The following ANTXRL variants were observed in gnomAD, a reference collection of about 807,000 sequenced individuals.
The protein encoded by ANTXRL is anthrax toxin receptor-like.
In ANTXRL, 63 loss-of-function variants were observed where a neutral mutation model predicts 75.4. That is an observed-to-expected ratio of 0.84 (90% CI 0.68 to 1.03). The LOEUF (loss-of-function observed/expected upper bound fraction) is 1.03, where lower values mean the gene tolerates loss of function less well. Among genes scored for constraint, ANTXRL ranks in the 50% least tolerant of loss-of-function variants. ANTXRL has a pLI of 0.00. For missense variants in ANTXRL, 797 were observed against 789.4 expected, an observed-to-expected ratio of 1.01 and a Z score of -0.12; for synonymous variants, 335 against 291.3, an observed-to-expected ratio of 1.15 and a Z score of -1.53.
At chr10:46,326,547 A>G (rs139327389) in intron 16 of ANTXRL, among the ~76,000 whole-genome samples, 1 of 152,078 alleles carries the variant, frequency 6.6e-6, no homozygotes, top group Admixed American at 6.5e-5. Context: ...AGAGGAAAAA[A>G]GGTTGGGGGC....
Position 46,297,304 on chromosome 10 carries a change from T to G in ANTXRL, c.561T>G (p.His187Gln). 3.3e-6 allele frequency: 5 copies of G among 1,536,536 alleles called. No homozygotes were observed. Among genetic ancestry groups the G allele is most frequent in the Non-Finnish European group, 2.6e-6 (3 of 1,146,866 alleles). Residue 187 changes from histidine to glutamine, a missense_variant, in exon 6 of 17, where the codon CAT (histidine) becomes CAG (glutamine). By Grantham distance (24) the His-to-Gln change is conservative. Coordinates refer to ENST00000620264, the MANE Select transcript of ANTXRL (RefSeq NM_001278688.3). Reference protein sequence around the residue: ...IAMTDGELVAHAFQDTLREAQ... With the variant: ...IAMTDGELVAQAFQDTLREAQ... ...TGACTGATGGAGAACTGGTGGCACATGCATTTCAGGACACTCTCAGAGAAG... is the reference window on the plus strand; with the variant it reads ...TGACTGATGGAGAACTGGTGGCACAGGCATTTCAGGACACTCTCAGAGAAG...
At position 46,311,568 on chromosome 10, in the gene ANTXRL, C is replaced by T. The variant is rs781953456; in HGVS notation, c.1232C>T (p.Pro411Leu). The change falls in exon 15 of 17, where the codon CCA (proline) becomes CTA (leucine). Residue 411 changes from proline to leucine, a missense_variant. Coordinates refer to ENST00000620264, the MANE Select transcript of ANTXRL (RefSeq NM_001278688.3). ...CCACCGCCTCCGCCTCCACCACCTC[C>T]ACTCCCGCCTCCGCCCCCAGCTCCT... ...PPPPPPPPPP[P>L]LPPPPPAPVN... 3.9e-6 allele frequency: 6 copies of T among 1,523,582 alleles called. No homozygotes were observed. The South Asian group carries it at 7.2e-5, about 18-fold the overall frequency. The allele number at this position is 1,523,582 out of a possible 1,614,324, so 94.4% of individuals were successfully genotyped here. A position where few individuals can be genotyped will look rare whatever the true frequency, so the allele number is the denominator to read the frequency against.
chr10:46,314,256 A>G (rs12412804), intron 16 of ANTXRL, among the ~76,000 whole-genome samples: 42,443 of 151,726 alleles, frequency 0.28, 5,913 homozygotes, highest in Admixed American at 0.3. Context: ...CTGGTGTCAG[A>G]GGCATGCAGG....
intron 5 of ANTXRL, among the ~76,000 whole-genome samples, chr10:46,296,697 G>T (rs1374465309): frequency 6.6e-6 from 1 of 152,182 alleles, no homozygotes; most frequent in Admixed American, 6.5e-5. Context: ...GCTCTTGTCA[G>T]GAAAAGGCAG....
At position 46,311,576 on chromosome 10, in the gene ANTXRL, C is replaced by A; in HGVS notation, c.1240C>A (p.Pro414Thr). Residue 414 changes from proline (P) to threonine (T), a missense_variant, in exon 15 of 17, where the codon CCT becomes ACT. Pro to Thr is a conservative substitution (Grantham distance 38, BLOSUM62 -1). Transcript: ENST00000620264. ...TCCGCCTCCACCACCTCCACTCCCGCCTCCGCCCCCAGCTCCTGTAAACAC... is the reference window on the plus strand; with the variant it reads ...TCCGCCTCCACCACCTCCACTCCCGACTCCGCCCCCAGCTCCTGTAAACAC... ...PPPPPPPPLP[P>T]PPPAPVNTCP... is the part of the protein sequence containing the mutation. 1 of 1,508,894 alleles carries A rather than the reference C, an allele frequency of 6.6e-7. No individual in the cohort carries two copies. Among genetic ancestry groups the A allele is most frequent in the Non-Finnish European group, 8.9e-7 (1 of 1,121,960 alleles). The allele number at this position is 1,508,894 out of a possible 1,614,324, so 93.5% of individuals were successfully genotyped here.
chr10:46,299,377 C>T (rs1837579418), intron 9 of ANTXRL, among the ~76,000 whole-genome samples: 1 of 152,126 alleles, frequency 6.6e-6, no homozygotes, highest in Non-Finnish European at 1.5e-5. Context: ...AGGATGCCCT[C>T]TTGTCAGCTG....
chr10:46,324,660 G>A (rs1839129314), intron 16 of ANTXRL, among the ~76,000 whole-genome samples: 1 of 152,076 alleles, frequency 6.6e-6, no homozygotes, highest in African/African-American at 2.4e-5. Flanking sequence ...CTTTATAGAC[G>A]CCGCACTTTT....
At chr10:46,296,991 C>A (rs1554958947) in intron 5 of ANTXRL, among the ~76,000 whole-genome samples, 1 of 152,148 alleles carries the variant, frequency 6.6e-6, no homozygotes, top group Non-Finnish European at 1.5e-5. Flanking sequence ...GTTCAGGCAG[C>A]CTGGTGTGAA....
Position 46,292,142 on chromosome 10 carries a change from G to A in ANTXRL, c.320+13G>A. 2 of 1,535,856 alleles carry A rather than the reference G, an allele frequency of 1.3e-6. No homozygotes were observed. The highest frequency in any genetic ancestry group is 1.7e-6 in the Non-Finnish European group (2 of 1,146,568). On this transcript the variant is annotated intron_variant, in intron 2 of 16. Transcript: ENST00000620264. ...CGAGGTTCCAAAGGTACAGATCTCT[G>A]CATGGCAGCCTCCCCTGAGCTGCAG...
At chr10:46,302,470 T>C (rs1837812755) in intron 9 of ANTXRL, among the ~76,000 whole-genome samples, 2 of 152,104 alleles carry the variant, frequency 1.3e-5, no homozygotes, top group Admixed American at 1.3e-4. Context: ...TTCCTGAGCG[T>C]GTTGGTTCAG....
In ANTXRL at chr10:46,309,180, TC is replaced by T; in HGVS notation, c.1113del (p.Trp372GlyfsTer49). The T allele has an allele frequency of 2.0e-6, 3 of 1,528,414 alleles. No homozygotes were observed. The highest frequency in any genetic ancestry group is 2.6e-6 in the Non-Finnish European group (3 of 1,146,384). 94.7% of individuals were successfully genotyped at this position (1,528,414 alleles called of 1,614,324 possible). A position where few individuals can be genotyped will look rare whatever the true frequency, so the allele number is the denominator to read the frequency against. ...CTTGTGCCACTGCTGCTGTGTTGTG[TC>T]TGGCGGCTGTGCCGCAAGCAGGCAA... The part of the protein sequence containing the change: ...LLLVPLLLCC[V>X]WRLCRKQTVK... On this transcript the variant is annotated frameshift_variant, in exon 13 of 17. Coordinates refer to ENST00000620264, the MANE Select transcript of ANTXRL (RefSeq NM_001278688.3). LOFTEE classifies it high-confidence loss of function.
chr10:46,317,716 TGC>T (rs1491401519), intron 16 of ANTXRL, among the ~76,000 whole-genome samples: 1 of 149,248 alleles, frequency 6.7e-6, no homozygotes, highest in Non-Finnish European at 1.5e-5. Flanking sequence ...CCAAAACACA[TGC>T]ACACACACAC....
intron 16 of ANTXRL, among the ~76,000 whole-genome samples, chr10:46,322,283 C>T (rs1215631399): frequency 6.6e-6 from 1 of 151,908 alleles, no homozygotes; most frequent in Non-Finnish European, 1.5e-5. Context: ...ATGGTGAAAC[C>T]CCATCTCCAT....
In ANTXRL at chr10:46,293,894, C is replaced by G; in HGVS notation, c.386C>G (p.Ser129Ter). Residue 129 changes from serine to a stop codon, truncating the protein, a stop_gained, in exon 3 of 17, where the codon TCA becomes TGA. Coordinates refer to ENST00000620264, the MANE Select transcript of ANTXRL (RefSeq NM_001278688.3). LOFTEE classifies it high-confidence loss of function. ...GGCCAGACTGTCTTGCCACTCACCTCAGACAAGTGAGTGCTGCTTTGAGCC... is the reference window on the plus strand; with the variant it reads ...GGCCAGACTGTCTTGCCACTCACCTGAGACAAGTGAGTGCTGCTTTGAGCC... ...TDGQTVLPLT[S>*]DKNRIKNGLD... 1 of 1,535,504 alleles carries G rather than the reference C, an allele frequency of 6.5e-7. No individual in the cohort carries two copies. Among genetic ancestry groups the G allele is most frequent in the Non-Finnish European group, 8.7e-7 (1 of 1,146,488 alleles).
intron 14 of ANTXRL, among the ~76,000 whole-genome samples, chr10:46,310,760 G>A (rs1320820210): frequency 6.6e-6 from 1 of 152,096 alleles, no homozygotes; most frequent in African/African-American, 2.4e-5. Flanking sequence ...GTGATGATCT[G>A]TCCTGAATAA....
intron 12 of ANTXRL, chr10:46,308,618 T>G (rs1458724292): frequency 2.8e-6 from 1 of 363,030 alleles, no homozygotes; most frequent in Non-Finnish European, 5.5e-6. Context: ...TGGAGCTCTC[T>G]AAACCTCACA....
At chr10:46,316,600 G>T (rs1838737856) in intron 16 of ANTXRL, among the ~76,000 whole-genome samples, 1 of 152,066 alleles carries the variant, frequency 6.6e-6, no homozygotes, top group Non-Finnish European at 1.5e-5. Context: ...GGTAGAGCCG[G>T]GTTATGAACT....
rs1236401438 is a variant in ANTXRL at position 46,326,577 on chromosome 10, G to A, written c.1411-3022G>A. 5.5e-4 allele frequency among the ~76,000 whole-genome samples: 83 copies of A among 152,272 alleles called. 1 individual carries two copies. The highest frequency in any genetic ancestry group is 2.0e-3 in the African/African-American group (81 of 41,532). On this transcript the variant is annotated intron_variant, in intron 16 of 16. Coordinates refer to ENST00000620264, the MANE Select transcript of ANTXRL (RefSeq NM_001278688.3). ...GGGGGCTGAGGCCTGAGTGGACAGA[G>A]GAGAGCACTGACCAGAAGCCAAGAT...
intron 16 of ANTXRL, among the ~76,000 whole-genome samples, chr10:46,318,166 T>G (rs965422643): frequency 5.3e-5 from 8 of 152,106 alleles, no homozygotes; most frequent in South Asian, 4.1e-4. Flanking sequence ...CAGCAGTGGG[T>G]AAACACTAGG....
Sources: gnomAD v4.1 joint callset for allele counts (sites outside exome capture counted in the v4.1 genomes callset) on GRCh38, gnomAD v4.1.1 for gene constraint, MANE v1.5 for transcripts, NCBI Gene and HGNC (gene_info 2026-07-23, HGNC 2026-07-21) for gene names.